Variants in DCDC2C observed in about 807,000 individuals in gnomAD.
DCDC2C encodes doublecortin domain containing 2C.
Under a neutral mutation model 45.0 loss-of-function variants are expected in DCDC2C, and 44 were observed. The observed-to-expected ratio is 0.98, with a 90% CI of 0.77 to 1.26. DCDC2C has a LOEUF of 1.26. DCDC2C is among the 50% of genes most tolerant of loss of function. DCDC2C has a pLI of 0.00. For synonymous variants in DCDC2C, 187 were observed against 178.8 expected (o/e 1.05, Z -0.37); for missense variants, 447 against 468.9 (o/e 0.95, Z 0.43).
intron 6 of DCDC2C, among the ~76,000 whole-genome samples, chr2:3,764,707 A>G (rs1295041776): frequency 6.6e-6 from 1 of 152,346 alleles, no homozygotes; most frequent in South Asian, 2.1e-4. Flanking sequence ...AGATCTTTCT[A>G]TAAAGCAATG....
chr2:3,812,584 A>G (rs1379164839), intron 10 of DCDC2C, among the ~76,000 whole-genome samples: 8 of 151,402 alleles, frequency 5.3e-5, no homozygotes, highest in East Asian at 1.9e-4. Flanking sequence ...ATCTCCTTCA[A>G]TTCTTCTCTG....
intron 10 of DCDC2C, among the ~76,000 whole-genome samples, chr2:3,809,119 C>A (rs1671327971): frequency 6.6e-6 from 1 of 152,164 alleles, no homozygotes; most frequent in Admixed American, 6.5e-5. Flanking sequence ...TTTTTCCTTT[C>A]ACCAATATGA....
chr2:3,784,304 A>G (rs1670592157), intron 9 of DCDC2C, among the ~76,000 whole-genome samples: 2 of 152,194 alleles, frequency 1.3e-5, no homozygotes, highest in South Asian at 2.1e-4. Flanking sequence ...TTTGGAAAAG[A>G]GTTTTTGCTC....
rs183814587 is a variant in DCDC2C, at chr2:3,841,031, G to A, written c.1066-6123G>A. Among the ~76,000 whole-genome samples, 536 of 152,336 alleles carry A rather than the reference G, an allele frequency of 3.5e-3. 2 individuals are homozygous for A. Among genetic ancestry groups the A allele is most frequent in the Middle Eastern group, 0.01 (3 of 294 alleles). On this transcript the variant is annotated intron_variant, in intron 10 of 10. Transcript: ENST00000399143. The stretch of plus-strand genomic sequence containing the variant: ...TGACAAATGAAGATTTTGGCGTACC[G>A]TACGGTGGCACAATCTCTCAGTCAA...
intron 4 of DCDC2C, among the ~76,000 whole-genome samples, chr2:3,742,664 A>G (rs1267972762): frequency 6.6e-6 from 1 of 152,246 alleles, no homozygotes; most frequent in Non-Finnish European, 1.5e-5. Flanking sequence ...GTCCTCATAT[A>G]TGTAAAGTGC....
intron 2 of DCDC2C, among the ~76,000 whole-genome samples, chr2:3,723,910 A>G (rs1668562826): frequency 6.6e-6 from 1 of 152,140 alleles, no homozygotes; most frequent in Non-Finnish European, 1.5e-5. Flanking sequence ...TATTTGAGCC[A>G]TAACAAGATA....
At chr2:3,825,349 A>T (rs1294771059) in intron 10 of DCDC2C, among the ~76,000 whole-genome samples, 1 of 152,182 alleles carries the variant, frequency 6.6e-6, no homozygotes, top group Non-Finnish European at 1.5e-5. Flanking sequence ...GCCAGGCTCG[A>T]ATCCTGTGCC....
chr2:3,703,618 C>T lies in DCDC2C; in HGVS notation c.-134C>T. 2.3e-6 allele frequency: 2 copies of T among 882,416 alleles called. No individual in the cohort carries two copies. Among genetic ancestry groups the T allele is most frequent in the Non-Finnish European group, 2.9e-6 (2 of 680,436 alleles). 54.7% of individuals were successfully genotyped at this position (882,416 alleles called of 1,614,324 possible). On this transcript the variant is annotated 5_prime_UTR_variant, in exon 1 of 11. Coordinates refer to ENST00000399143, the MANE Select transcript of DCDC2C (RefSeq NM_001287444.2). This position sits in a 1 kb window ranked among gnomAD's most constrained non-coding sequence, Gnocchi z 4.4. ...TCCAGCCCCCGTCCCGTCCCCGTCCCGTCCCCGTCCTGCGCCAGCGGCTGG... is the reference window on the plus strand; with the variant it reads ...TCCAGCCCCCGTCCCGTCCCCGTCCTGTCCCCGTCCTGCGCCAGCGGCTGG...
chr2:3,764,276 A>C (rs1219956047), intron 6 of DCDC2C, among the ~76,000 whole-genome samples: 2 of 152,228 alleles, frequency 1.3e-5, no homozygotes, highest in Non-Finnish European at 1.5e-5. Flanking sequence ...TAAGGTCCTC[A>C]TTTAGTGTTT....
intron 10 of DCDC2C, among the ~76,000 whole-genome samples, chr2:3,817,093 G>T (rs915675243): frequency 6.6e-6 from 1 of 152,192 alleles, no homozygotes; most frequent in Non-Finnish European, 1.5e-5. Flanking sequence ...GGGGAAGCAG[G>T]TGGGAGTGAC....
At chr2:3,731,200 C>G (rs915785719) in intron 3 of DCDC2C, among the ~76,000 whole-genome samples, 1 of 152,144 alleles carries the variant, frequency 6.6e-6, no homozygotes, top group East Asian at 1.9e-4. Flanking sequence ...GAGGGACAGA[C>G]CACCCTACCA....
chr2:3,802,430 T>C (rs1021564351), intron 10 of DCDC2C, among the ~76,000 whole-genome samples: 6 of 152,214 alleles, frequency 3.9e-5, no homozygotes, highest in African/African-American at 1.4e-4. Flanking sequence ...AAGTTCCCCT[T>C]TGTTTTGTCT....
intron 9 of DCDC2C, among the ~76,000 whole-genome samples, chr2:3,781,120 A>AT (rs1209841272): frequency 6.6e-6 from 1 of 152,208 alleles, no homozygotes; most frequent in African/African-American, 2.4e-5. Context: ...TGGCCCTAAA[A>AT]TTTGGCCCAC....
At chr2:3,830,771 C>T (rs928713619) in intron 10 of DCDC2C, among the ~76,000 whole-genome samples, 6 of 152,184 alleles carry the variant, frequency 3.9e-5, no homozygotes, top group Non-Finnish European at 8.8e-5. Flanking sequence ...ACAGACTCTT[C>T]GCCTTCAGAC....
chr2:3,834,153 G>A (rs1558248044), intron 10 of DCDC2C, among the ~76,000 whole-genome samples: 1 of 149,264 alleles, frequency 6.7e-6, no homozygotes, highest in Non-Finnish European at 1.5e-5. Flanking sequence ...CTACCAGAGT[G>A]GTACATTTGT....
chr2:3,725,401 G>A (rs1038072979), intron 2 of DCDC2C, among the ~76,000 whole-genome samples: 2 of 100,346 alleles, frequency 2.0e-5, no homozygotes, highest in African/African-American at 3.2e-5. Flanking sequence ...AGGGTGTAGG[G>A]GCAGAGAGTG....
chr2:3,832,645 A>G (rs1244032017), intron 10 of DCDC2C, among the ~76,000 whole-genome samples: 1 of 152,188 alleles, frequency 6.6e-6, no homozygotes, highest in African/African-American at 2.4e-5. Flanking sequence ...CTCCAAACCA[A>G]GTCAAACACC....
At chr2:3,724,623 T>C (rs1001281004) in intron 2 of DCDC2C, among the ~76,000 whole-genome samples, 1 of 152,214 alleles carries the variant, frequency 6.6e-6, no homozygotes, top group Admixed American at 6.5e-5. Flanking sequence ...GTCGTCGAGC[T>C]CCTGTAACAT....
chr2:3,725,252 C>G (rs1482048223), intron 2 of DCDC2C, among the ~76,000 whole-genome samples: 1 of 152,080 alleles, frequency 6.6e-6, no homozygotes, highest in South Asian at 2.1e-4. Context: ...CAGCGCTGGG[C>G]CTTGGAAGGG....
Sources: gnomAD v4.1 joint callset for allele counts (sites outside exome capture counted in the v4.1 genomes callset) on GRCh38, gnomAD v4.1.1 for gene constraint, Gnocchi (gnomAD v3.1) non-coding constraint, MANE v1.5 for transcripts, NCBI Gene and HGNC (gene_info 2026-07-23, HGNC 2026-07-21) for gene names.